Variants in MCTP1 observed in about 807,000 individuals in gnomAD.
The protein encoded by MCTP1 is multiple C2 and transmembrane domain containing 1.
MCTP1 carries 69 observed loss-of-function variants against 120.6 expected under a neutral mutation model. That is an observed-to-expected ratio of 0.57 (90% CI 0.47 to 0.70). The LOEUF (loss-of-function observed/expected upper bound fraction) is 0.70, where lower values mean the gene tolerates loss of function less well. Ranked by LOEUF, MCTP1 falls within the 30% of genes least tolerant of loss-of-function variation. The pLI, the probability that MCTP1 is intolerant of heterozygous loss-of-function variation, is 0.00. For missense variants in MCTP1, 1,203 were observed against 1,248.8 expected (o/e 0.96, Z 0.55); for synonymous variants, 529 against 493.1 (o/e 1.07, Z -0.96).
At chr5:94,901,958 T>A (rs1485914561) in intron 10 of MCTP1, among the ~76,000 whole-genome samples, 1 of 152,156 alleles carries the variant, frequency 6.6e-6, no homozygotes, top group African/African-American at 2.4e-5. Flanking sequence ...AGGTGGCTCA[T>A]ACATCACATA....
chr5:94,863,389 T>G (rs2153236926), intron 17 of MCTP1, among the ~76,000 whole-genome samples: 1 of 152,018 alleles, frequency 6.6e-6, no homozygotes, highest in Non-Finnish European at 1.5e-5. Flanking sequence ...ATTTGAAAAT[T>G]GCCATAGACT....
At chr5:95,145,840 C>G (rs576003859) in intron 1 of MCTP1, among the ~76,000 whole-genome samples, 2 of 152,128 alleles carry the variant, frequency 1.3e-5, no homozygotes, top group African/African-American at 4.8e-5. Flanking sequence ...GGATATTTTC[C>G]TGAAGTTTTC....
intron 1 of MCTP1, among the ~76,000 whole-genome samples, chr5:95,238,943 TC>T (rs1755860088): frequency 6.6e-6 from 1 of 152,178 alleles, no homozygotes; most frequent in Non-Finnish European, 1.5e-5. Flanking sequence ...ATGAATGGCA[TC>T]CTTTTTGATT....
At chr5:95,143,446 G>A (rs1161298842) in intron 1 of MCTP1, among the ~76,000 whole-genome samples, 2 of 152,096 alleles carry the variant, frequency 1.3e-5, no homozygotes, top group African/African-American at 2.4e-5. Context: ...GATTCAGAGA[G>A]TACATGTGCA....
chr5:94,833,601 A>G (rs1437745436), intron 17 of MCTP1, among the ~76,000 whole-genome samples: 1 of 152,216 alleles, frequency 6.6e-6, no homozygotes, highest in Non-Finnish European at 1.5e-5. Flanking sequence ...TTAGAGGCAT[A>G]CTAATATATG....
chr5:94,777,132 G>A (rs987690585), intron 19 of MCTP1, among the ~76,000 whole-genome samples: 18 of 152,112 alleles, frequency 1.2e-4, no homozygotes, highest in African/African-American at 4.3e-4. Flanking sequence ...CTTTCACATG[G>A]AAAACACACT....
At chr5:95,077,598 G>A (rs1346124383) in intron 1 of MCTP1, among the ~76,000 whole-genome samples, 3 of 151,962 alleles carry the variant, frequency 2.0e-5, no homozygotes, top group African/African-American at 4.8e-5. Context: ...TCAGCCTGCC[G>A]AGTAGCTGGG....
rs1274703253 is a variant in MCTP1, at chr5:94,704,840, T to G, written c.*2656A>C. On this transcript the variant is annotated 3_prime_UTR_variant, in exon 23 of 23. Coordinates refer to ENST00000515393, the MANE Select transcript of MCTP1 (RefSeq NM_024717.7). The stretch of plus-strand genomic sequence containing the variant: ...AATTCCAGTTTTTGAACATTCTATA[T>G]GCACTAGGATAATCTGAGTTGGGAG... 1.4e-5 allele frequency: 2 copies of G among 144,840 alleles called. No individual in the cohort carries two copies. The highest frequency in any genetic ancestry group is 5.0e-5 in the African/African-American group (2 of 39,698). 9.0% of individuals were successfully genotyped at this position (144,840 alleles called of 1,614,324 possible). A position where few individuals can be genotyped will look rare whatever the true frequency, so the allele number is the denominator to read the frequency against.
chr5:94,850,708 A>G (rs902130143), intron 17 of MCTP1, among the ~76,000 whole-genome samples: 1 of 152,058 alleles, frequency 6.6e-6, no homozygotes, highest in South Asian at 2.1e-4. Context: ...AATAATGTAC[A>G]TTGCTTTTCT....
chr5:95,201,690 A>C (rs1422479096), intron 1 of MCTP1, among the ~76,000 whole-genome samples: 1 of 151,096 alleles, frequency 6.6e-6, no homozygotes, highest in African/African-American at 2.4e-5. Context: ...TTTTTAGGAG[A>C]GACAGGGTTT....
intron 18 of MCTP1, among the ~76,000 whole-genome samples, chr5:94,787,523 G>C (rs551153981): frequency 1.9e-4 from 29 of 152,156 alleles, no homozygotes; most frequent in African/African-American, 7.0e-4. Flanking sequence ...CTCTTCAAGA[G>C]AGATAGTGAC....
intron 1 of MCTP1, among the ~76,000 whole-genome samples, chr5:95,073,666 G>A (rs376845865): frequency 6.6e-6 from 1 of 152,174 alleles, no homozygotes; most frequent in East Asian, 1.9e-4. Context: ...AGTTGAGAGG[G>A]AAGGGCAGGA....
At chr5:95,111,094 A>G (rs1757415937) in intron 1 of MCTP1, among the ~76,000 whole-genome samples, 1 of 152,184 alleles carries the variant, frequency 6.6e-6, no homozygotes, top group Non-Finnish European at 1.5e-5. Context: ...ATCCTAAAAC[A>G]TGTTTAGATG....
chr5:95,213,426 T>C lies in MCTP1; in HGVS notation c.720+70430A>G, dbSNP rs1192157262. 8.5e-5 allele frequency among the ~76,000 whole-genome samples: 13 copies of C among 152,264 alleles called. No homozygotes were observed. The East Asian group carries it at 2.5e-3, about 29-fold the overall frequency. ...GTAGGAAGAATCAATATCGTGAAAA[T>C]GGCCATACTGCCCAAGGTAAGTTGT... On this transcript the variant is annotated intron_variant, in intron 1 of 22. Transcript: ENST00000515393.
chr5:94,911,346 C>G (rs972218752), intron 9 of MCTP1, among the ~76,000 whole-genome samples: 4 of 152,246 alleles, frequency 2.6e-5, no homozygotes, highest in Middle Eastern at 3.4e-3. Context: ...TATGGTTTGG[C>G]TCTGTGTATC....
intron 3 of MCTP1, among the ~76,000 whole-genome samples, chr5:94,949,073 A>G (rs1819830276): frequency 6.6e-6 from 1 of 152,156 alleles, no homozygotes; most frequent in Non-Finnish European, 1.5e-5. Flanking sequence ...TAATCTATCA[A>G]AATGGTTCTA....
rs545474589 is a variant in MCTP1 at position 94,956,830 on chromosome 5, G to A, written c.839-3469C>T. ...AAAGTGAAGGGGAGAATGGAACCAA[G>A]TTGAAAAATACACTTCAGGATATCC... On this transcript the variant is annotated intron_variant, in intron 2 of 22. Coordinates refer to ENST00000515393, the MANE Select transcript of MCTP1 (RefSeq NM_024717.7). Among the ~76,000 whole-genome samples, 8 of 152,278 alleles carry A rather than the reference G, an allele frequency of 5.3e-5. 1 individual carries two copies. In the South Asian group the frequency reaches 1.7e-3, roughly 32 times the overall value.
chr5:95,028,735 A>C (rs1189993751), intron 1 of MCTP1, among the ~76,000 whole-genome samples: 1 of 152,234 alleles, frequency 6.6e-6, no homozygotes, highest in Non-Finnish European at 1.5e-5. Flanking sequence ...GCAAGATACA[A>C]ATTTTGTTGA....
chr5:95,263,756 C>T (rs968692830), intron 1 of MCTP1, among the ~76,000 whole-genome samples: 1 of 152,174 alleles, frequency 6.6e-6, no homozygotes, highest in African/African-American at 2.4e-5. Flanking sequence ...ACCCTCCTAA[C>T]AGCACCATCA....
Sources: gnomAD v4.1 joint callset for allele counts (sites outside exome capture counted in the v4.1 genomes callset) on GRCh38, gnomAD v4.1.1 for gene constraint, MANE v1.5 for transcripts, NCBI Gene and HGNC (gene_info 2026-07-23, HGNC 2026-07-21) for gene names.